The following CADM2 variants were observed in gnomAD, a reference collection of about 807,000 sequenced individuals.
CADM2 encodes the protein cell adhesion molecule 2.
Under a neutral mutation model 49.8 loss-of-function variants are expected in CADM2, and 12 were observed. The observed-to-expected ratio is 0.24, with a 90% CI of 0.15 to 0.39. CADM2 has a LOEUF of 0.39. CADM2 is among the 10% of genes least tolerant of loss of function. The pLI, the probability that CADM2 is intolerant of heterozygous loss-of-function variation, is 1.00. For synonymous variants in CADM2, 214 were observed against 175.4 expected, an observed-to-expected ratio of 1.22 and a Z score of -1.74; for missense variants, 378 against 492.3, an observed-to-expected ratio of 0.77 and a Z score of 2.20.
chr3:86,016,519 C>T (rs1043255386), intron 8 of CADM2, among the ~76,000 whole-genome samples: 1 of 152,112 alleles, frequency 6.6e-6, no homozygotes, highest in African/African-American at 2.4e-5. Flanking sequence ...TAGTAATGTG[C>T]TACCAGTTGT....
chr3:84,974,470 T>C (rs2031681506), intron 1 of CADM2, among the ~76,000 whole-genome samples: 1 of 152,010 alleles, frequency 6.6e-6, no homozygotes, highest in Non-Finnish European at 1.5e-5. Flanking sequence ...TATTAAATGA[T>C]TTATTTTGAA....
chr3:85,124,934 G>T (rs1015958249), intron 1 of CADM2, among the ~76,000 whole-genome samples: 1 of 152,134 alleles, frequency 6.6e-6, no homozygotes, highest in Non-Finnish European at 1.5e-5. Context: ...TTGTTAAGTT[G>T]AACCATTATA....
intron 1 of CADM2, among the ~76,000 whole-genome samples, chr3:85,204,878 A>T (rs907453955): frequency 1.1e-4 from 16 of 152,098 alleles, no homozygotes; most frequent in Admixed American, 1.3e-4. Flanking sequence ...GAACAAGTTT[A>T]AAGCTAATAC....
intron 1 of CADM2, among the ~76,000 whole-genome samples, chr3:85,188,935 G>A (rs953253098): frequency 1.3e-5 from 2 of 151,932 alleles, no homozygotes; most frequent in South Asian, 2.1e-4. Context: ...GGAGGCTGAG[G>A]CAGGCGAATG....
At chr3:85,952,964 T>C (rs558196949) in intron 7 of CADM2, among the ~76,000 whole-genome samples, 2 of 150,766 alleles carry the variant, frequency 1.3e-5, no homozygotes, top group East Asian at 3.9e-4. Context: ...CAGCTGGCAC[T>C]CCAGGCTGGC....
chr3:85,752,261 T>C (rs1349816665), intron 2 of CADM2, among the ~76,000 whole-genome samples: 3 of 152,182 alleles, frequency 2.0e-5, no homozygotes, highest in Non-Finnish European at 2.9e-5. Context: ...CTGACCTTTT[T>C]CTTTCCTTTT....
chr3:85,329,571 A>T (rs982983126), intron 1 of CADM2, among the ~76,000 whole-genome samples: 1 of 152,076 alleles, frequency 6.6e-6, no homozygotes, highest in Non-Finnish European at 1.5e-5. Context: ...GGGCGACAGA[A>T]CAAGACTCTG....
intron 5 of CADM2, among the ~76,000 whole-genome samples, chr3:85,889,345 A>G (rs1714108773): frequency 6.6e-6 from 1 of 152,154 alleles, no homozygotes; most frequent in Non-Finnish European, 1.5e-5. Context: ...GTAGCCATTA[A>G]GCACAGGGCA....
chr3:85,757,527 A>G (rs2069178825), intron 2 of CADM2, among the ~76,000 whole-genome samples: 1 of 152,156 alleles, frequency 6.6e-6, no homozygotes, highest in African/African-American at 2.4e-5. Context: ...ATACAGAAAC[A>G]TGAGATGGAG....
At chr3:85,742,497 T>G (rs1363768821) in intron 2 of CADM2, among the ~76,000 whole-genome samples, 2 of 152,208 alleles carry the variant, frequency 1.3e-5, no homozygotes, top group South Asian at 2.1e-4. Flanking sequence ...GTTAGATTGG[T>G]ATTTTAAAAT....
At chr3:85,582,772 A>G (rs1343689662) in intron 1 of CADM2, among the ~76,000 whole-genome samples, 1 of 152,154 alleles carries the variant, frequency 6.6e-6, no homozygotes, top group Non-Finnish European at 1.5e-5. Flanking sequence ...AGAAAGTACT[A>G]AAAATAGAGT....
intron 3 of CADM2, among the ~76,000 whole-genome samples, chr3:85,834,727 T>C (rs950479682): frequency 3.3e-5 from 5 of 149,596 alleles, no homozygotes; most frequent in Non-Finnish European, 7.4e-5. Context: ...AGTTTTCCTG[T>C]ATCTTCTTGG....
intron 1 of CADM2, among the ~76,000 whole-genome samples, chr3:85,631,390 T>C (rs2064300981): frequency 2.6e-5 from 4 of 152,228 alleles, no homozygotes; most frequent in Middle Eastern, 3.4e-3. Flanking sequence ...TGAAACTCTA[T>C]TGATACTCTT....
At chr3:85,615,366 A>G (rs2063774855) in intron 1 of CADM2, among the ~76,000 whole-genome samples, 1 of 151,956 alleles carries the variant, frequency 6.6e-6, no homozygotes, top group Admixed American at 6.6e-5. Flanking sequence ...AACCTTTGTA[A>G]TCTGTCTAGC....
At chr3:85,374,542 C>T (rs561342074) in intron 1 of CADM2, among the ~76,000 whole-genome samples, 20 of 152,228 alleles carry the variant, frequency 1.3e-4, no homozygotes, top group African/African-American at 4.8e-4. Flanking sequence ...TGGCAGTACC[C>T]CATCTACCGG....
intron 1 of CADM2, among the ~76,000 whole-genome samples, chr3:85,605,400 T>G (rs2107421026): frequency 6.6e-6 from 1 of 152,088 alleles, no homozygotes; most frequent in African/African-American, 2.4e-5. Flanking sequence ...CATTAAGAAC[T>G]TGGGTCATTT....
chr3:85,893,741 A>C (rs559128642), intron 5 of CADM2, among the ~76,000 whole-genome samples: 6 of 152,362 alleles, frequency 3.9e-5, no homozygotes, highest in Admixed American at 6.5e-5. Context: ...AAGACACATG[A>C]AAAAATGCTC....
At chr3:85,294,011 A>C (rs1351826326) in intron 1 of CADM2, among the ~76,000 whole-genome samples, 1 of 151,994 alleles carries the variant, frequency 6.6e-6, no homozygotes, top group East Asian at 1.9e-4. Context: ...CCCTGTTTGC[A>C]GACGACATGA....
chr3:85,483,326 G>A (rs992679722), intron 1 of CADM2, among the ~76,000 whole-genome samples: 2 of 151,272 alleles, frequency 1.3e-5, no homozygotes, highest in Non-Finnish European at 3.0e-5. Context: ...AATTGTGTAT[G>A]ATGATTTATA....
Sources: allele counts gnomAD v4.1 joint callset (sites outside exome capture counted in the v4.1 genomes callset), GRCh38; gene constraint gnomAD v4.1.1; transcripts MANE v1.5; gene names NCBI Gene and HGNC (gene_info 2026-07-23, HGNC 2026-07-21).